AUH: variants seen among roughly 807,000 people sequenced by gnomAD.
AUH encodes the protein methylglutaconyl-CoA hydratase, mitochondrial.
AUH carries 29 observed loss-of-function variants against 42.3 expected under a neutral mutation model. The ratio of observed to expected loss-of-function variants is 0.69; its 90% CI spans 0.51 to 0.93. AUH has a LOEUF of 0.93. Ranked by LOEUF, AUH falls within the 40% of genes least tolerant of loss-of-function variation. The pLI is 0.00. For synonymous variants in AUH, 174 were observed against 166.4 expected (o/e 1.05, Z -0.35); for missense variants, 452 against 438.1 (o/e 1.03, Z -0.28).
At chr9:91,330,220 A>C (rs1308924220) in intron 3 of AUH, among the ~76,000 whole-genome samples, 1 of 152,188 alleles carries the variant, frequency 6.6e-6, no homozygotes, top group Non-Finnish European at 1.5e-5. Context: ...TATCACTTTC[A>C]AAACATCCAA....
At chr9:91,304,653 AT>A (rs989943410) in intron 4 of AUH, among the ~76,000 whole-genome samples, 1 of 152,258 alleles carries the variant, frequency 6.6e-6, no homozygotes, top group Non-Finnish European at 1.5e-5. Flanking sequence ...GGATACTAAT[AT>A]TCTCAAATCA....
At position 91,356,111 on chromosome 9, in the gene AUH, G is replaced by A. The variant is rs780321152; in HGVS notation, c.307C>T (p.Leu103Phe). Residue 103 changes from leucine (L) to phenylalanine (F), a missense_variant, in exon 2 of 10, where the codon CTC (leucine) becomes TTC (phenylalanine). Transcript: ENST00000375731. Reference protein sequence around the residue: ...GINRAYGKNSLSKNLIKMLSK... With the variant: ...GINRAYGKNSFSKNLIKMLSK... ...ACCATTTTTATAAGATTTTTACTGA[G>A]TGAATTTTTGCCATAAGCTCTGTTT... 6 of 1,613,484 alleles carry A rather than the reference G, an allele frequency of 3.7e-6. No homozygotes were observed. The African/African-American group carries it at 6.7e-5, about 18-fold the overall frequency.
chr9:91,314,771 CT>C (rs1829016609), intron 4 of AUH, among the ~76,000 whole-genome samples: 1 of 152,200 alleles, frequency 6.6e-6, no homozygotes, highest in African/African-American at 2.4e-5. Context: ...AAAGATGCCA[CT>C]GCTGATTTCA....
intron 6 of AUH, among the ~76,000 whole-genome samples, chr9:91,275,227 G>A (rs1825447969): frequency 6.6e-6 from 1 of 152,164 alleles, no homozygotes; most frequent in African/African-American, 2.4e-5. Flanking sequence ...TTTCCCAAAA[G>A]GCCACAGAGC....
At chr9:91,286,752 C>G (rs1041903860) in intron 6 of AUH, among the ~76,000 whole-genome samples, 4 of 151,648 alleles carry the variant, frequency 2.6e-5, no homozygotes, top group African/African-American at 9.7e-5. Context: ...ATCTATCTAC[C>G]TATCTACCTA....
chr9:91,341,703 G>GC (rs1314833095), intron 3 of AUH, among the ~76,000 whole-genome samples: 1 of 152,218 alleles, frequency 6.6e-6, no homozygotes, highest in Non-Finnish European at 1.5e-5. Context: ...CACTGTTCTG[G>GC]CAATAGGCCT....
chr9:91,257,035 T>C (rs1360672816), intron 6 of AUH, among the ~76,000 whole-genome samples: 2 of 152,194 alleles, frequency 1.3e-5, no homozygotes, highest in Non-Finnish European at 2.9e-5. Context: ...GTGTTGCTCT[T>C]GTCTCTGAGG....
At chr9:91,254,315 C>T (rs1283881274) in intron 6 of AUH, among the ~76,000 whole-genome samples, 1 of 152,232 alleles carries the variant, frequency 6.6e-6, no homozygotes, top group African/African-American at 2.4e-5. Flanking sequence ...AGCAGGGGCA[C>T]TGGGAACAAG....
At chr9:91,229,681 A>G (rs1827749370) in intron 6 of AUH, among the ~76,000 whole-genome samples, 2 of 152,100 alleles carry the variant, frequency 1.3e-5, no homozygotes, top group African/African-American at 2.4e-5. Context: ...ATGATTTTGC[A>G]AGCGGCTGGT....
In AUH at chr9:91,325,875, C is replaced by A. The variant is rs150319000; in HGVS notation, c.419-471G>T. Among the ~76,000 whole-genome samples, 103 of 152,304 alleles carry A rather than the reference C, an allele frequency of 6.8e-4. 1 individual carries two copies. In the East Asian group the frequency reaches 0.019, roughly 28 times the overall value. On this transcript the variant is annotated intron_variant, in intron 3 of 9. Coordinates refer to ENST00000375731, the MANE Select transcript of AUH (RefSeq NM_001698.3). ...TGCAGTGTATTAGCACAAATGCCAACCCAGTAAAAAGGGCAGATTACACTT... is the reference window on the plus strand; with the variant it reads ...TGCAGTGTATTAGCACAAATGCCAAACCAGTAAAAAGGGCAGATTACACTT...
At chr9:91,215,937 T>A in intron 9 of AUH, 122 bp downstream of exon 9, 1 of 1,008,420 alleles carries the variant, frequency 9.9e-7, no homozygotes, top group Non-Finnish European at 1.5e-6. Context: ...TTTCAACCCA[T>A]TTGTATGATT....
chr9:91,267,893 C>T (rs971413140), intron 6 of AUH, among the ~76,000 whole-genome samples: 3 of 152,092 alleles, frequency 2.0e-5, no homozygotes, highest in Non-Finnish European at 2.9e-5. Flanking sequence ...GATGACAACG[C>T]GGATTTGCTG....
At chr9:91,339,313 T>A (rs1830927348) in intron 3 of AUH, among the ~76,000 whole-genome samples, 1 of 152,210 alleles carries the variant, frequency 6.6e-6, no homozygotes, top group South Asian at 2.1e-4. Context: ...CAAACCATCA[T>A]TAAGTGAGGG....
intron 6 of AUH, among the ~76,000 whole-genome samples, chr9:91,226,394 G>C (rs1305587314): frequency 6.8e-6 from 1 of 146,982 alleles, no homozygotes; most frequent in East Asian, 2.1e-4. Context: ...TTTTTGATGG[G>C]GTTGTTTGTT....
intron 6 of AUH, 91 bp from the exon 7 acceptor site, chr9:91,221,083 C>A: frequency 7.0e-7 from 1 of 1,419,256 alleles, no homozygotes; most frequent in South Asian, 1.2e-5. Context: ...TAAAAATAAA[C>A]CAGGGCCAGA....
In AUH at chr9:91,321,441, A is replaced by G. The variant is rs536129212; in HGVS notation, c.505+3877T>C. On this transcript the variant is annotated intron_variant, in intron 4 of 9. Transcript: ENST00000375731. ...TTTCTTTGAATTTTATCAAGAATAC[A>G]AAACCCCCAGATGCAATATTTTAAA... Among the ~76,000 whole-genome samples, 29 of 152,250 alleles carry G rather than the reference A, an allele frequency of 1.9e-4. No homozygotes were observed. In the South Asian group the frequency reaches 4.6e-3, roughly 24 times the overall value.
intron 6 of AUH, among the ~76,000 whole-genome samples, chr9:91,236,335 C>A (rs1025937207): frequency 3.9e-5 from 6 of 152,058 alleles, no homozygotes; most frequent in African/African-American, 1.2e-4. Context: ...TAATACCAAC[C>A]GTTGACATTA....
intron 6 of AUH, among the ~76,000 whole-genome samples, chr9:91,224,965 G>T (rs1265767301): frequency 6.6e-6 from 1 of 152,106 alleles, no homozygotes; most frequent in East Asian, 1.9e-4. Flanking sequence ...AAGTTACAAT[G>T]CAATATTGGA....
At chr9:91,361,502 G>T in intron 1 of AUH, 126 bp downstream of exon 1, 6 of 1,317,064 alleles carry the variant, frequency 4.6e-6, no homozygotes, top group Non-Finnish European at 6.1e-6. Context: ...AAAGGGGAGG[G>T]ACCCAGGTTC....
Sources: allele counts gnomAD v4.1 joint callset (sites outside exome capture counted in the v4.1 genomes callset), GRCh38; gene constraint gnomAD v4.1.1; transcripts MANE v1.5; gene names NCBI Gene and HGNC (gene_info 2026-07-23, HGNC 2026-07-21).